The following MACF1 variants were observed in gnomAD, a reference collection of about 807,000 sequenced individuals.
The protein encoded by MACF1 is microtubule actin crosslinking factor 1, also known as microtubule-actin cross-linking factor 1.
In MACF1, 193 loss-of-function variants were observed where a neutral mutation model predicts 854.8. The ratio of observed to expected loss-of-function variants is 0.23; its 90% CI spans 0.20 to 0.25. MACF1 has a LOEUF of 0.25. Among genes scored for constraint, MACF1 ranks in the 10% least tolerant of loss-of-function variants. MACF1 has a pLI of 1.00. For missense variants in MACF1, 7,722 were observed against 8,929.1 expected (o/e 0.86, Z 5.45); for synonymous variants, 3,185 against 3,226.7 (o/e 0.99, Z 0.44).
chr1:39,458,678 G>T (rs1644490941), intron 90 of MACF1, 188 bp downstream of exon 90: 1 of 663,228 alleles, frequency 1.5e-6, no homozygotes, highest in African/African-American at 1.8e-5. Context: ...CATATTCTTT[G>T]GTATGATTGG....
Position 39,459,229 on chromosome 1 carries a change from G to C in MACF1, c.21340G>C (p.Ala7114Pro), listed in dbSNP as rs1341577805. ...GGAGCGGCAAAGGAAACTGAATGAT[G>C]CCTTGGATCGGCTGGAGGAGGTAAT... The part of the protein sequence containing the change: ...ALERQRKLND[A>P]LDRLEELKEF... Residue 7114 changes from alanine (A) to proline (P), a missense_variant, in exon 91 of 101, where the codon GCC becomes CCC. Ala to Pro is a conservative substitution (Grantham distance 27). This residue lies in a region of MACF1 where 729 missense variants were observed against 900.5 expected (regional missense o/e 0.81). Coordinates refer to ENST00000564288, the MANE Select transcript of MACF1 (RefSeq NM_001394062.1). The C allele has an allele frequency of 6.2e-7, 1 of 1,613,476 alleles. No individual in the cohort carries two copies. Among genetic ancestry groups the C allele is most frequent in the African/African-American group, 1.3e-5 (1 of 74,904 alleles).
intron 38 of MACF1, among the ~76,000 whole-genome samples, chr1:39,339,535 G>T (rs1646890785): frequency 1.3e-5 from 2 of 152,154 alleles, no homozygotes; most frequent in African/African-American, 4.8e-5. Flanking sequence ...ACTTGCAGCT[G>T]GAAGAAATGG....
chr1:39,335,837 A>G lies in MACF1; in HGVS notation c.9249A>G (p.Leu3083=), dbSNP rs370275774. The G allele has an allele frequency of 3.7e-6, 6 of 1,614,052 alleles. No individual in the cohort carries two copies. The highest frequency in any genetic ancestry group is 1.3e-5 in the African/African-American group (1 of 74,924). ...ACAATTTAAGTCTCTGCTTGACTTTAAAACCAGAAGAAAACTTATCTCGAG... is the reference window on the plus strand; with the variant it reads ...ACAATTTAAGTCTCTGCTTGACTTTGAAACCAGAAGAAAACTTATCTCGAG... ...KVNNLSLCLT[L]KPEENLSREI... Residue 3083 remains leucine (L), a synonymous_variant, in exon 37 of 101, where the codon TTA becomes TTG. Transcript: ENST00000564288.
At position 39,316,491 on chromosome 1, in the gene MACF1, G is replaced by T; in HGVS notation, c.3550G>T (p.Asp1184Tyr). 6.2e-7 allele frequency: 1 copy of T among 1,613,838 alleles called. No individual in the cohort carries two copies. Among genetic ancestry groups the T allele is most frequent in the Non-Finnish European group, 8.5e-7 (1 of 1,179,828 alleles). ...KLSQEEVVLADLSALEAHWST... is the reference protein window; with the variant it reads ...KLSQEEVVLAYLSALEAHWST... ...GAGTCAAGAAGAAGTAGTACTGGCA[G>T]ATCTCTCAGCTCTGGAGGCCCATTG... is the stretch of plus-strand genomic sequence containing the variant. Residue 1184 changes from aspartate (D) to tyrosine (Y), a missense_variant, in exon 28 of 101, where the codon GAT (aspartate) becomes TAT (tyrosine). Transcript: ENST00000564288.
intron 58 of MACF1, among the ~76,000 whole-genome samples, chr1:39,408,856 C>A (rs944072728): frequency 1.3e-5 from 2 of 151,960 alleles, no homozygotes; most frequent in African/African-American, 2.4e-5. Context: ...CGCAGAAGCC[C>A]CTCCTTCGGC....
Position 39,331,311 on chromosome 1 carries a change from C to T in MACF1, c.4723C>T (p.Leu1575=), listed in dbSNP as rs1391008543. 8 of 1,613,016 alleles carry T rather than the reference C, an allele frequency of 5.0e-6. No individual in the cohort carries two copies. The highest frequency in any genetic ancestry group is 6.8e-6 in the Non-Finnish European group (8 of 1,179,888). Residue 1575 remains leucine (L), a synonymous_variant, in exon 37 of 101, where the codon CTG becomes TTG. Transcript: ENST00000564288. ...LLDQDTGLVL[L]ESQVIMSGLI... ...TGACCAAGACACAGGCCTAGTGCTT[C>T]TGGAATCTCAGGTTATCATGTCTGG... is the stretch of plus-strand genomic sequence containing the variant.
intron 88 of MACF1, 66 bp from the exon 89 acceptor site, chr1:39,454,843 A>G: frequency 8.8e-6 from 12 of 1,359,030 alleles, no homozygotes; most frequent in South Asian, 5.5e-5. Context: ...CAGATGAAAA[A>G]GGGCTTTGGA....
intron 5 of MACF1, chr1:39,257,731 AG>A (rs1645113363): frequency 3.9e-6 from 2 of 519,192 alleles, no homozygotes; most frequent in Admixed American, 6.9e-5. Context: ...GATTACAAGG[AG>A]GGGGCCAGCA....
chr1:39,250,356 G>A (rs1645027314), intron 3 of MACF1, among the ~76,000 whole-genome samples: 1 of 152,028 alleles, frequency 6.6e-6, no homozygotes, highest in South Asian at 2.1e-4. Flanking sequence ...TTTTATATCT[G>A]CATGTTTTTG....
intron 2 of MACF1, among the ~76,000 whole-genome samples, chr1:39,135,088 G>T (rs534433074): frequency 6.6e-6 from 1 of 152,188 alleles, no homozygotes; most frequent in African/African-American, 2.4e-5. Flanking sequence ...TGTCCTCAAG[G>T]TTCATTCATG....
At chr1:39,408,601 T>C (rs1482918281) in intron 58 of MACF1, among the ~76,000 whole-genome samples, 1 of 151,954 alleles carries the variant, frequency 6.6e-6, no homozygotes, top group Non-Finnish European at 1.5e-5. Context: ...TCGTTCGCCT[T>C]TGGGCTGGGC....
chr1:39,268,424 C>T, intron 6 of MACF1: 1 of 1,035,436 alleles, frequency 9.7e-7, no homozygotes, highest in Non-Finnish European at 1.2e-6. Flanking sequence ...AATCCGGTTT[C>T]TGTCTGCTTT....
At chr1:39,253,507 GTA>G (rs1645064758) in intron 4 of MACF1, among the ~76,000 whole-genome samples, 3 of 93,968 alleles carry the variant, frequency 3.2e-5, no homozygotes, top group Admixed American at 1.3e-4. Flanking sequence ...TCAGCTATCT[GTA>G]TTTTTTTTTT....
intron 2 of MACF1, among the ~76,000 whole-genome samples, chr1:39,189,409 G>A (rs1644217974): frequency 6.6e-6 from 1 of 152,104 alleles, no homozygotes; most frequent in Admixed American, 6.6e-5. Flanking sequence ...CTTTTCTGAG[G>A]TTTCTGAAAG....
rs747129171 is a variant in MACF1 at position 39,331,273 on chromosome 1, A to G, written c.4685A>G (p.Gln1562Arg). 4.2e-5 allele frequency: 67 copies of G among 1,611,940 alleles called. No homozygotes were observed. Among genetic ancestry groups the G allele is most frequent in the Middle Eastern group, 1.6e-4 (1 of 6,076 alleles). The change falls in exon 37 of 101, where the codon CAA becomes CGA. Residue 1562 changes from glutamine (Q) to arginine (R), a missense_variant. By Grantham distance (43) the Gln-to-Arg change is conservative. This residue lies in a region of MACF1 where 1,531 missense variants were observed against 1,601.6 expected (regional missense o/e 0.96). Transcript: ENST00000564288. ...ATATTTCCCATCTTCAAAGCCATGC[A>G]AAAGGGCCTCCTTGACCAAGACACA... ...VEIFPIFKAMQKGLLDQDTGL... is the reference protein window; with the variant it reads ...VEIFPIFKAMRKGLLDQDTGL...
At chr1:39,437,744 T>C (rs767041679) in intron 70 of MACF1, 33 bp from the exon 71 acceptor site, 1 of 1,426,176 alleles carries the variant, frequency 7.0e-7, no homozygotes, top group Non-Finnish European at 9.9e-7. Context: ...TGATGAGGTA[T>C]GCTGTGATGG....
At chr1:39,377,557 T>A (rs1402715341) in intron 52 of MACF1, among the ~76,000 whole-genome samples, 2 of 152,184 alleles carry the variant, frequency 1.3e-5, no homozygotes, top group Non-Finnish European at 2.9e-5. Flanking sequence ...GCACAATTTA[T>A]AAGAATGTTG....
intron 2 of MACF1, chr1:39,102,755 T>G: frequency 4.3e-6 from 3 of 702,460 alleles, no homozygotes; most frequent in Admixed American, 4.0e-5. Flanking sequence ...TTCTTAGAAA[T>G]GCAGCAGCAG....
Position 39,454,954 on chromosome 1 carries a change from T to C in MACF1, c.20932T>C (p.Leu6978=), listed in dbSNP as rs200312184. 4 of 1,614,062 alleles carry C rather than the reference T, an allele frequency of 2.5e-6. No individual in the cohort carries two copies. Among genetic ancestry groups the C allele is most frequent in the Non-Finnish European group, 3.4e-6 (4 of 1,180,020 alleles). ...GCACCAGCAGCGTCTTGAAACGGCCTTGTCAGAACTGGTGGCTAATGCTGA... is the reference window on the plus strand; with the variant it reads ...GCACCAGCAGCGTCTTGAAACGGCCCTGTCAGAACTGGTGGCTAATGCTGA... ...KQHQQRLETA[L]SELVANAELL... Residue 6978 remains leucine (L), a synonymous_variant, in exon 89 of 101, where the codon TTG becomes CTG. Transcript: ENST00000564288.
Sources: gnomAD v4.1 joint callset for allele counts (sites outside exome capture counted in the v4.1 genomes callset) on GRCh38, gnomAD v4.1.1 for gene constraint, gnomAD v4.1.1 regional missense constraint, MANE v1.5 for transcripts, NCBI Gene and HGNC (gene_info 2026-07-23, HGNC 2026-07-21) for gene names.